Variants in INTS4 observed in about 807,000 individuals in gnomAD.
INTS4 encodes the protein MSTP093.
Under a neutral mutation model 119.5 loss-of-function variants are expected in INTS4, and 70 were observed. The observed-to-expected ratio is 0.59, with a 90% CI of 0.48 to 0.71. The LOEUF (loss-of-function observed/expected upper bound fraction) is 0.71, where lower values mean the gene tolerates loss of function less well. Ranked by LOEUF, INTS4 falls within the 30% of genes least tolerant of loss-of-function variation. The pLI is 0.00. For synonymous variants in INTS4, 316 were observed against 419.6 expected (o/e 0.75, Z 3.02); for missense variants, 867 against 1,173.2 (o/e 0.74, Z 3.81).
chr11:77,954,671 A>T (rs1006807242), intron 8 of INTS4, among the ~76,000 whole-genome samples: 2 of 152,170 alleles, frequency 1.3e-5, no homozygotes, highest in African/African-American at 4.8e-5. Context: ...AGGAGGATGA[A>T]ACCTAGATCC....
chr11:77,910,720 G>A (rs1464414582), intron 15 of INTS4, among the ~76,000 whole-genome samples: 2 of 151,912 alleles, frequency 1.3e-5, no homozygotes, highest in Non-Finnish European at 2.9e-5. Context: ...CTACGCCTGT[G>A]CCCTGTAGCC....
intron 15 of INTS4, among the ~76,000 whole-genome samples, chr11:77,916,926 G>A (rs543727782): frequency 6.6e-6 from 1 of 152,240 alleles, no homozygotes; most frequent in African/African-American, 2.4e-5. Context: ...CTCAGCAACT[G>A]GCTTATTAGA....
rs1227335528 is a variant in INTS4, at chr11:77,901,442, A to G, written c.2207T>C (p.Val736Ala). 2 of 1,613,956 alleles carry G rather than the reference A, an allele frequency of 1.2e-6. No individual in the cohort carries two copies. Among genetic ancestry groups the G allele is most frequent in the Admixed American group, 3.3e-5 (2 of 60,008 alleles). Residue 736 changes from valine (V) to alanine (A), a missense_variant, in exon 18 of 23, where the codon GTA becomes GCA. Val to Ala is a moderately conservative substitution (Grantham distance 64). This residue lies in a region of INTS4 where 262 missense variants were observed against 376.0 expected (regional missense o/e 0.70). Coordinates refer to ENST00000534064, the MANE Select transcript of INTS4 (RefSeq NM_033547.4). ...TTACCCTCGTGTAGTTCGTGCTGTT[A>G]CTATAAGTTGCAAAGCTTTGGCCTG... The part of the protein sequence containing the change: ...RLQAKALQLI[V>A]TARTTRGLDP...
chr11:77,940,634 G>GT (rs1245397504), intron 9 of INTS4, among the ~76,000 whole-genome samples: 1 of 152,000 alleles, frequency 6.6e-6, no homozygotes, highest in East Asian at 1.9e-4. Context: ...TTTGGTTGTT[G>GT]TTTTTTGGGT....
chr11:77,976,967 C>T (rs935665690), intron 4 of INTS4, among the ~76,000 whole-genome samples: 2 of 151,982 alleles, frequency 1.3e-5, no homozygotes, highest in Non-Finnish European at 2.9e-5. Flanking sequence ...TGGAGATATA[C>T]CTAATGTTAA....
At chr11:77,947,575 C>T (rs1424959390) in intron 8 of INTS4, among the ~76,000 whole-genome samples, 1 of 152,098 alleles carries the variant, frequency 6.6e-6, no homozygotes, top group Non-Finnish European at 1.5e-5. Flanking sequence ...TAAAACTCAC[C>T]AGTAAAGGCA....
At chr11:77,929,035 T>C (rs1433458806) in intron 10 of INTS4, among the ~76,000 whole-genome samples, 1 of 142,022 alleles carries the variant, frequency 7.0e-6, no homozygotes, top group African/African-American at 2.6e-5. Context: ...AAAAAAAAAC[T>C]CCAAAAACAA....
At chr11:77,944,814 A>G (rs1954008659) in intron 8 of INTS4, among the ~76,000 whole-genome samples, 1 of 152,224 alleles carries the variant, frequency 6.6e-6, no homozygotes, top group African/African-American at 2.4e-5. Context: ...CCCAACAAGT[A>G]AGTATAATAC....
At chr11:77,975,883 G>A (rs1242819671) in intron 4 of INTS4, among the ~76,000 whole-genome samples, 1 of 151,822 alleles carries the variant, frequency 6.6e-6, no homozygotes, top group Non-Finnish European at 1.5e-5. Context: ...CTGAACCCGG[G>A]AGGCAGAGGT....
At chr11:77,875,065 G>T (rs1951559944), downstream of INTS4, among the ~76,000 whole-genome samples, 1 of 150,842 alleles carries the variant, frequency 6.6e-6, no homozygotes, top group South Asian at 2.1e-4. Flanking sequence ...AAGACATGAA[G>T]CTGGCCACAG....
At chr11:77,909,858 G>T (rs1486562567) in intron 15 of INTS4, among the ~76,000 whole-genome samples, 1 of 152,090 alleles carries the variant, frequency 6.6e-6, no homozygotes, top group African/African-American at 2.4e-5. Flanking sequence ...ATCATCACTG[G>T]CCATCAGAGA....
At chr11:77,956,149 C>G (rs1193361073) in intron 7 of INTS4, 87 bp from the exon 8 acceptor site, 21 of 1,494,948 alleles carry the variant, frequency 1.4e-5, no homozygotes, top group Admixed American at 2.3e-5. Context: ...TGGCTCACAT[C>G]TATAATCCCA....
At chr11:77,948,916 CA>C (rs1954118297) in intron 8 of INTS4, among the ~76,000 whole-genome samples, 1 of 151,886 alleles carries the variant, frequency 6.6e-6, no homozygotes, top group Non-Finnish European at 1.5e-5. Context: ...CGGTATGCAA[CA>C]AAAGCAGTTC....
At chr11:77,970,454 G>GAT (rs1244004547) in intron 4 of INTS4, among the ~76,000 whole-genome samples, 2 of 152,030 alleles carry the variant, frequency 1.3e-5, no homozygotes, top group Non-Finnish European at 2.9e-5. Flanking sequence ...TTTGTTGGTA[G>GAT]ATATCTACAA....
intron 15 of INTS4, among the ~76,000 whole-genome samples, chr11:77,910,718 G>C (rs1953071610): frequency 6.6e-6 from 1 of 151,918 alleles, no homozygotes; most frequent in Non-Finnish European, 1.5e-5. Context: ...TCCTACGCCT[G>C]TGCCCTGTAG....
intron 4 of INTS4, among the ~76,000 whole-genome samples, chr11:77,966,149 TTTG>T (rs998270644): frequency 1.3e-5 from 2 of 152,172 alleles, no homozygotes; most frequent in Non-Finnish European, 2.9e-5. Flanking sequence ...TTAGCCAGGT[TTTG>T]TTGTTGTTGT....
At chr11:77,907,641 T>C (rs1952989037) in intron 16 of INTS4, 76 bp downstream of exon 16, 6 of 995,962 alleles carry the variant, frequency 6.0e-6, no homozygotes, top group South Asian at 2.7e-5. Context: ...TTATAACTTA[T>C]GGCCTCACAC....
At chr11:77,903,008 G>T (rs1409297165) in intron 17 of INTS4, among the ~76,000 whole-genome samples, 1 of 152,176 alleles carries the variant, frequency 6.6e-6, no homozygotes, top group Non-Finnish European at 1.5e-5. Flanking sequence ...AACCTTAAGT[G>T]ATGTGCCCAT....
At chr11:77,966,986 A>G (rs761592711) in intron 4 of INTS4, among the ~76,000 whole-genome samples, 1 of 152,256 alleles carries the variant, frequency 6.6e-6, no homozygotes, top group African/African-American at 2.4e-5. Flanking sequence ...CAAGGGTTCC[A>G]ATCCTTGCCA....
Sources: allele counts gnomAD v4.1 joint callset (sites outside exome capture counted in the v4.1 genomes callset), GRCh38; gene constraint gnomAD v4.1.1; regional missense constraint gnomAD v4.1.1; transcripts MANE v1.5; gene names NCBI Gene and HGNC (gene_info 2026-07-23, HGNC 2026-07-21).